ZCCHC7: variants seen among roughly 807,000 people sequenced by gnomAD.
The protein encoded by ZCCHC7 is zinc finger CCHC-type containing 7, also known as zinc finger CCHC domain-containing protein 7.
In ZCCHC7, 35 loss-of-function variants were observed where a neutral mutation model predicts 52.0. The ratio of observed to expected loss-of-function variants is 0.67; its 90% CI spans 0.51 to 0.89. The LOEUF is 0.89. Among genes scored for constraint, ZCCHC7 ranks in the 40% least tolerant of loss-of-function variants. The pLI is 0.00. For missense variants in ZCCHC7, 574 were observed against 649.1 expected, an observed-to-expected ratio of 0.88 and a Z score of 1.26; for synonymous variants, 217 against 221.5, an observed-to-expected ratio of 0.98 and a Z score of 0.18.
At chr9:37,232,348 A>G (rs1228874363) in intron 2 of ZCCHC7, among the ~76,000 whole-genome samples, 1 of 152,226 alleles carries the variant, frequency 6.6e-6, no homozygotes, top group African/African-American at 2.4e-5. Context: ...CATCTGGAAT[A>G]TTTAACAAAT....
chr9:37,121,817 C>G (rs1237753709), intron 1 of ZCCHC7: 1 of 152,024 alleles, frequency 6.6e-6, no homozygotes, highest in African/African-American at 2.4e-5. Context: ...TTTTTTTTCC[C>G]CCACTGAAAT....
chr9:37,319,589 G>T (rs541855484), intron 5 of ZCCHC7, among the ~76,000 whole-genome samples: 3 of 151,974 alleles, frequency 2.0e-5, no homozygotes, highest in African/African-American at 7.2e-5. Flanking sequence ...CACCATGCTC[G>T]TCTGACTTTT....
intron 2 of ZCCHC7, among the ~76,000 whole-genome samples, chr9:37,163,583 G>A (rs935020870): frequency 6.6e-6 from 1 of 152,182 alleles, no homozygotes; most frequent in Non-Finnish European, 1.5e-5. Flanking sequence ...GACTAATGAT[G>A]TTGAGCATCT....
At chr9:37,265,725 C>A (rs1827073915) in intron 2 of ZCCHC7, among the ~76,000 whole-genome samples, 1 of 152,190 alleles carries the variant, frequency 6.6e-6, no homozygotes, top group Non-Finnish European at 1.5e-5. Flanking sequence ...CTCATCATGG[C>A]TTTCTGTTTT....
chr9:37,229,468 T>C (rs1016473413), intron 2 of ZCCHC7, among the ~76,000 whole-genome samples: 2 of 152,170 alleles, frequency 1.3e-5, no homozygotes, highest in Non-Finnish European at 2.9e-5. Context: ...ATCCTATTGC[T>C]CCTAGGGTAT....
At chr9:37,167,227 A>G (rs549710919) in intron 2 of ZCCHC7, among the ~76,000 whole-genome samples, 9 of 145,410 alleles carry the variant, frequency 6.2e-5, no homozygotes, top group South Asian at 2.2e-4. Context: ...ATTCTGTCCA[A>G]TGTGTTTTTA....
At chr9:37,129,122 A>G (rs1366451384) in intron 2 of ZCCHC7, among the ~76,000 whole-genome samples, 1 of 152,190 alleles carries the variant, frequency 6.6e-6, no homozygotes, top group Non-Finnish European at 1.5e-5. Flanking sequence ...AAAAAAGCTT[A>G]TTATCTTTCC....
intron 2 of ZCCHC7, among the ~76,000 whole-genome samples, chr9:37,167,665 T>C (rs989535776): frequency 6.6e-6 from 1 of 152,226 alleles, no homozygotes; most frequent in African/African-American, 2.4e-5. Flanking sequence ...CTACTAATAT[T>C]CTTGACCTTT....
At chr9:37,278,148 C>T (rs182883014) in intron 2 of ZCCHC7, among the ~76,000 whole-genome samples, 16 of 152,000 alleles carry the variant, frequency 1.1e-4, no homozygotes, top group African/African-American at 3.9e-4. Context: ...CAGCCTCGAG[C>T]TCCTAGACTC....
At chr9:37,261,794 T>TTC (rs1374364234) in intron 2 of ZCCHC7, among the ~76,000 whole-genome samples, 1 of 152,210 alleles carries the variant, frequency 6.6e-6, no homozygotes, top group Non-Finnish European at 1.5e-5. Context: ...TTCAGTTTTT[T>TTC]TCTCCTAATT....
intron 2 of ZCCHC7, among the ~76,000 whole-genome samples, chr9:37,230,923 G>GT (rs1267711501): frequency 4.0e-5 from 6 of 151,850 alleles, no homozygotes; most frequent in Non-Finnish European, 7.4e-5. Context: ...GTCCTTTTGG[G>GT]TTTTTTTGTT....
At chr9:37,347,582 CT>C (rs1330299420) in intron 6 of ZCCHC7, among the ~76,000 whole-genome samples, 2 of 152,126 alleles carry the variant, frequency 1.3e-5, no homozygotes, top group Admixed American at 6.5e-5. Flanking sequence ...AAAATTTCAG[CT>C]ATGCCAATAT....
intron 2 of ZCCHC7, among the ~76,000 whole-genome samples, chr9:37,221,094 T>C (rs747271103): frequency 1.4e-4 from 22 of 152,202 alleles, no homozygotes; most frequent in Non-Finnish European, 2.6e-4. Flanking sequence ...GTTCCACCAG[T>C]GTAGCCACAG....
At chr9:37,305,376 A>G (rs1829250267) in intron 4 of ZCCHC7, among the ~76,000 whole-genome samples, 168 bp from the exon 5 acceptor site, 1 of 152,220 alleles carries the variant, frequency 6.6e-6, no homozygotes, top group Admixed American at 6.5e-5. Context: ...AACAATATAC[A>G]TACAGTGTTT....
At chr9:37,305,974 T>C (rs1829283415) in intron 5 of ZCCHC7, among the ~76,000 whole-genome samples, 1 of 152,148 alleles carries the variant, frequency 6.6e-6, no homozygotes, top group South Asian at 2.1e-4. Context: ...TTTAAGCCCA[T>C]TCTAGCCCTT....
intron 2 of ZCCHC7, chr9:37,205,177 G>T: frequency 2.8e-6 from 1 of 360,684 alleles, no homozygotes. Context: ...CCCTTAACTG[G>T]TTTGTTTACA....
chr9:37,327,707 C>T (rs1202229688), intron 5 of ZCCHC7, 92 bp from the exon 6 acceptor site: 95 of 1,374,918 alleles, frequency 6.9e-5, no homozygotes, highest in Non-Finnish European at 9.1e-5. Flanking sequence ...TTCCTGTGAC[C>T]GACACCGGTG....
chr9:37,238,956 G>A (rs1825768604), intron 2 of ZCCHC7, among the ~76,000 whole-genome samples: 1 of 152,082 alleles, frequency 6.6e-6, no homozygotes, highest in South Asian at 2.1e-4. Flanking sequence ...TATTTTACAT[G>A]TTGATTGTTT....
chr9:37,141,595 T>C (rs1843229678), intron 2 of ZCCHC7, among the ~76,000 whole-genome samples: 1 of 151,926 alleles, frequency 6.6e-6, no homozygotes, highest in Non-Finnish European at 1.5e-5. Flanking sequence ...AAATGTTATT[T>C]TATAGTGTAA....
Sources: allele counts gnomAD v4.1 joint callset (sites outside exome capture counted in the v4.1 genomes callset), GRCh38; gene constraint gnomAD v4.1.1; transcripts MANE v1.5; gene names NCBI Gene and HGNC (gene_info 2026-07-23, HGNC 2026-07-21).